HARS1: variants seen among roughly 807,000 people sequenced by gnomAD.
HARS1 encodes histidyl-tRNA synthetase 1.
Under a neutral mutation model 63.6 loss-of-function variants are expected in HARS1, and 45 were observed. That is an observed-to-expected ratio of 0.71 (90% CI 0.56 to 0.91). The LOEUF is 0.91. Ranked by LOEUF, HARS1 falls within the 40% of genes least tolerant of loss-of-function variation. The probability of loss-of-function intolerance (pLI) is 0.00; values close to 1 mark genes in which losing one functional copy is unlikely to be tolerated. For synonymous variants in HARS1, 205 were observed against 247.1 expected (o/e 0.83, Z 1.60); for missense variants, 508 against 643.2 (o/e 0.79, Z 2.27).
chr5:140,674,460 G>A (rs1758234700), intron 12 of HARS1, 132 bp from the exon 13 acceptor site: 2 of 808,230 alleles, frequency 2.5e-6, no homozygotes, highest in Non-Finnish European at 2.1e-6. Context: ...AAACACCTCA[G>A]GCTAGAGTGT....
In HARS1 at chr5:140,675,018, T is replaced by C. The variant is rs1163697170; in HGVS notation, c.1310A>G (p.Lys437Arg). 3 of 1,603,674 alleles carry C rather than the reference T, an allele frequency of 1.9e-6. No individual in the cohort carries two copies. Among genetic ancestry groups the C allele is most frequent in the Non-Finnish European group, 2.6e-6 (3 of 1,170,666 alleles). The stretch of plus-strand genomic sequence containing the variant: ...CACCCTGGGGCTTGCCTCCCATACC[T>C]TGATCCCAGCATCCCACAGTTCTGA... ...LVSELWDAGI[K>R]AELLYKKNPK... Residue 437 changes from lysine to arginine, a missense_variant and splice_region_variant, in exon 11 of 13, where the codon AAG becomes AGG. By Grantham distance (26) the Lys-to-Arg change is conservative. Around this residue, in one of 2 missense-constraint regions of HARS1, gnomAD observed 403 missense variants for 548.7 expected, o/e 0.73. Transcript: ENST00000504156.
rs756386121 is a variant in HARS1 at position 140,691,281 on chromosome 5, C to T, written c.24G>A (p.Glu8=). Reference sequence around the variant, plus strand: ...GCTCTCCCTGAAGTTTCACCAGCTCCTCCAGCGCCGCACGCTCTGCCATCC... The same window carrying T: ...GCTCTCCCTGAAGTTTCACCAGCTCTTCCAGCGCCGCACGCTCTGCCATCC... MAERAAL[E]ELVKLQGERV... Residue 8 remains glutamate, a synonymous_variant, in exon 1 of 13, where the codon GAG becomes GAA. Coordinates refer to ENST00000504156, the MANE Select transcript of HARS1 (RefSeq NM_002109.6). 3.7e-6 allele frequency: 6 copies of T among 1,607,656 alleles called. No homozygotes were observed. The African/African-American group carries it at 8.0e-5, about 21-fold the overall frequency.
chr5:140,690,791 A>T, intron 2 of HARS1, 64 bp downstream of exon 2: 1 of 911,944 alleles, frequency 1.1e-6, no homozygotes, highest in Non-Finnish European at 1.9e-6. Flanking sequence ...AGGGAGGCAG[A>T]CATAAGCGCC....
Position 140,676,809 on chromosome 5 carries a change from C to G in HARS1, c.1039G>C (p.Ala347Pro), listed in dbSNP as rs1177270563. ...EAVLLQTPAQ[A>P]GEEPLGVGSV... is the part of the protein sequence containing the mutation. Reference sequence around the variant, plus strand: ...CCCACACCCAGGGGCTCTTCCCCTGCCTGGGCTGGGGTCTGTAGCAGCACT... The same window carrying G: ...CCCACACCCAGGGGCTCTTCCCCTGGCTGGGCTGGGGTCTGTAGCAGCACT... Residue 347 changes from alanine to proline, a missense_variant, in exon 10 of 13, where the codon GCA (alanine) becomes CCA (proline). By Grantham distance (27) the Ala-to-Pro change is conservative. This residue lies in a region of HARS1 where 403 missense variants were observed against 548.7 expected (regional missense o/e 0.73). Coordinates refer to ENST00000504156, the MANE Select transcript of HARS1 (RefSeq NM_002109.6). The surrounding 1 kb of genome is among the most constrained non-coding windows in gnomAD (Gnocchi z 4.1). 2 of 1,614,138 alleles carry G rather than the reference C, an allele frequency of 1.2e-6. No homozygotes were observed. Among genetic ancestry groups the G allele is most frequent in the Admixed American group, 3.3e-5 (2 of 60,014 alleles).
In HARS1 at chr5:140,674,661, C is replaced by A. The variant is rs1437453596; in HGVS notation, c.1458+18G>T. 1 of 1,614,128 alleles carries A rather than the reference C, an allele frequency of 6.2e-7. No individual in the cohort carries two copies. Among genetic ancestry groups the A allele is most frequent in the Non-Finnish European group, 8.5e-7 (1 of 1,179,946 alleles). ...CATACATTCTCTGTCCCTTAGCCTT[C>A]CTGCCCACCTCCCTCACCTCTTCCC... On this transcript the variant is annotated intron_variant, in intron 12 of 12. Transcript: ENST00000504156.
chr5:140,684,503 T>A, intron 2 of HARS1: 1 of 688,206 alleles, frequency 1.5e-6, no homozygotes, highest in Non-Finnish European at 1.8e-6. Context: ...GTAACAACTC[T>A]ATGACATAGG....
chr5:140,691,089 G>A, intron 1 of HARS1, 126 bp downstream of exon 1: 2 of 906,430 alleles, frequency 2.2e-6, no homozygotes, highest in Non-Finnish European at 3.5e-6. Flanking sequence ...GTCTCCCCAC[G>A]CAGCCCACTC....
In HARS1 at chr5:140,685,551, C is replaced by T. The variant is rs191852363; in HGVS notation, c.181-2332G>A. 2.2e-3 allele frequency among the ~76,000 whole-genome samples: 341 copies of T among 151,604 alleles called. 1 individual carries two copies. The highest frequency in any genetic ancestry group is 1.7e-3 in the South Asian group (8 of 4,768). On this transcript the variant is annotated intron_variant, in intron 2 of 12. Transcript: ENST00000504156. ...CCTGGCCAACATGGTGAAACCCCAT[C>T]TCTACTAAAAAATACAAAAATTAGC...
chr5:140,678,961 C>A (rs752077604), intron 5 of HARS1, 41 bp downstream of exon 5: 3 of 1,605,922 alleles, frequency 1.9e-6, no homozygotes, highest in African/African-American at 2.7e-5. Context: ...TTGAGAGAGC[C>A]CCAAGTAACT....
chr5:140,683,382 C>T (rs181706697), intron 2 of HARS1, among the ~76,000 whole-genome samples, 163 bp from the exon 3 acceptor site: 11 of 152,302 alleles, frequency 7.2e-5, no homozygotes, highest in African/African-American at 7.2e-5. Context: ...CAAATAATTC[C>T]CTATTAATTC....
intron 8 of HARS1, 53 bp downstream of exon 8, chr5:140,677,274 T>G: frequency 6.9e-7 from 1 of 1,456,672 alleles, no homozygotes; most frequent in Non-Finnish European, 9.6e-7. Flanking sequence ...GTTTCAACTT[T>G]AGGACTGAGG....
In HARS1 at chr5:140,674,193, T is replaced by C; in HGVS notation, c.*64A>G. 1.0e-6 allele frequency: 1 copy of C among 963,060 alleles called. No homozygotes were observed. The highest frequency in any genetic ancestry group is 1.7e-6 in the Non-Finnish European group (1 of 584,550). The allele number at this position is 963,060 out of a possible 1,614,324, so 59.7% of individuals were successfully genotyped here. ...AAGTGCAAAGCAATTGAAGTACATA[T>C]GCAGTTTGTCTTAACCTCAAATAGT... is the stretch of plus-strand genomic sequence containing the variant. On this transcript the variant is annotated 3_prime_UTR_variant, in exon 13 of 13. Transcript: ENST00000504156.
intron 2 of HARS1, among the ~76,000 whole-genome samples, chr5:140,686,422 A>G (rs1276424129): frequency 6.6e-6 from 1 of 152,080 alleles, no homozygotes; most frequent in African/African-American, 2.4e-5. Context: ...TATTTTTAGT[A>G]GAGACAGCGT....
intron 2 of HARS1, among the ~76,000 whole-genome samples, chr5:140,686,395 A>G (rs2149836979): frequency 6.6e-6 from 1 of 152,264 alleles, no homozygotes; most frequent in East Asian, 1.9e-4. Flanking sequence ...GTGAGCTACC[A>G]TACCTGGCTA....
chr5:140,682,922 A>G (rs1758808406), intron 3 of HARS1, 178 bp downstream of exon 3: 1 of 552,116 alleles, frequency 1.8e-6, no homozygotes, highest in Non-Finnish European at 3.2e-6. Context: ...AACCAAGATA[A>G]TAAAAGACAG....
chr5:140,680,703 G>A (rs925004032), intron 3 of HARS1, among the ~76,000 whole-genome samples: 3 of 151,862 alleles, frequency 2.0e-5, no homozygotes, highest in African/African-American at 7.3e-5. Flanking sequence ...ATTAGCTGGG[G>A]GAGCTGGTAG....
Position 140,676,983 on chromosome 5 carries a change from A to T in HARS1, c.951+6T>A. ...CAGAAGGGATCCCGTCCCCAACTTG[A>T]CTCACTTTGTCATCAATGCCAAATA... On this transcript the variant is annotated splice_donor_region_variant and intron_variant, in intron 9 of 12. Coordinates refer to ENST00000504156, the MANE Select transcript of HARS1 (RefSeq NM_002109.6). The surrounding 1 kb of genome is among the most constrained non-coding windows in gnomAD (Gnocchi z 4.1). 2 of 1,614,094 alleles carry T rather than the reference A, an allele frequency of 1.2e-6. No homozygotes were observed. The highest frequency in any genetic ancestry group is 1.7e-6 in the Non-Finnish European group (2 of 1,180,006).
chr5:140,680,486 G>A (rs1418188833), intron 3 of HARS1, among the ~76,000 whole-genome samples: 1 of 152,054 alleles, frequency 6.6e-6, no homozygotes. Context: ...GTGAGAAGAA[G>A]CTCTGTACTT....
chr5:140,675,163 G>A, intron 10 of HARS1, 30 bp from the exon 11 acceptor site: 9 of 1,361,282 alleles, frequency 6.6e-6, no homozygotes, highest in Non-Finnish European at 9.5e-6. Context: ...AAGAGAGCTG[G>A]GCTAACACCT....
Sources: allele counts gnomAD v4.1 joint callset (sites outside exome capture counted in the v4.1 genomes callset), GRCh38; gene constraint gnomAD v4.1.1; regional missense constraint gnomAD v4.1.1; non-coding constraint Gnocchi (gnomAD v3.1); transcripts MANE v1.5; gene names NCBI Gene and HGNC (gene_info 2026-07-23, HGNC 2026-07-21).